The following SYT2 variants were observed in gnomAD, a reference collection of about 807,000 sequenced individuals.
SYT2 encodes synaptotagmin 2, also known as synaptotagmin-2.
In SYT2, 15 loss-of-function variants were observed where a neutral mutation model predicts 39.9. That is an observed-to-expected ratio of 0.38 (90% confidence interval 0.25 to 0.58). The LOEUF is 0.58. Among genes scored for constraint, SYT2 ranks in the 20% least tolerant of loss-of-function variants. The pLI, the probability that SYT2 is intolerant of heterozygous loss-of-function variation, is 0.70. For synonymous variants in SYT2, 181 were observed against 204.5 expected (o/e 0.89, Z 0.98); for missense variants, 389 against 530.3 (o/e 0.73, Z 2.62).
At position 202,601,808 on chromosome 1, in the gene SYT2, C is replaced by T; in HGVS notation, c.801+82G>A. 6.8e-7 allele frequency: 1 copy of T among 1,476,706 alleles called. No homozygotes were observed. The highest frequency in any genetic ancestry group is 9.3e-7 in the Non-Finnish European group (1 of 1,080,620). 91.5% of individuals were successfully genotyped at this position (1,476,706 alleles called of 1,614,324 possible). A position where few individuals can be genotyped will look rare whatever the true frequency, so the allele number is the denominator to read the frequency against. On this transcript the variant is annotated intron_variant, in intron 6 of 8. Coordinates refer to ENST00000367268, the MANE Select transcript of SYT2 (RefSeq NM_177402.5). This position sits in a 1 kb window ranked among gnomAD's most constrained non-coding sequence, Gnocchi z 4.0. ...ACAGGTCGTCTGCCTCCAAAGCCCA[C>T]CCTGTTTCCATCATGCCAAGAGGTG...
intron 1 of SYT2, among the ~76,000 whole-genome samples, chr1:202,658,519 C>T (rs1692319171): frequency 2.0e-5 from 3 of 152,082 alleles, no homozygotes; most frequent in African/African-American, 7.2e-5. Flanking sequence ...CCTCTGGCCC[C>T]CAGGCTATGA....
At chr1:202,644,035 A>AG (rs1692017262) in intron 1 of SYT2, among the ~76,000 whole-genome samples, 1 of 152,144 alleles carries the variant, frequency 6.6e-6, no homozygotes, top group Admixed American at 6.5e-5. Flanking sequence ...GAGAGAAGGG[A>AG]GGGAGAAGAG....
intron 1 of SYT2, among the ~76,000 whole-genome samples, chr1:202,679,802 T>G (rs986912995): frequency 9.9e-5 from 15 of 152,186 alleles, no homozygotes; most frequent in African/African-American, 3.4e-4. Context: ...AGGCCCTTCA[T>G]GATCCAGCCT....
At chr1:202,622,130 T>G (rs1282006411) in intron 1 of SYT2, among the ~76,000 whole-genome samples, 2 of 152,188 alleles carry the variant, frequency 1.3e-5, no homozygotes, top group Non-Finnish European at 2.9e-5. Flanking sequence ...AGTAATGAGA[T>G]GGAAATAGGT....
At chr1:202,646,845 CT>C (rs1349082978) in intron 1 of SYT2, among the ~76,000 whole-genome samples, 3 of 152,102 alleles carry the variant, frequency 2.0e-5, no homozygotes, top group African/African-American at 7.2e-5. Flanking sequence ...ACCCCCAACT[CT>C]CTCTCCTCCG....
At chr1:202,622,347 A>G (rs1691223963) in intron 1 of SYT2, among the ~76,000 whole-genome samples, 2 of 152,202 alleles carry the variant, frequency 1.3e-5, no homozygotes, top group South Asian at 2.1e-4. Flanking sequence ...CCGAGGCCTG[A>G]TGAGCCTTCT....
At chr1:202,654,000 G>A (rs1692235909) in intron 1 of SYT2, among the ~76,000 whole-genome samples, 1 of 152,180 alleles carries the variant, frequency 6.6e-6, no homozygotes, top group Non-Finnish European at 1.5e-5. Flanking sequence ...GGCCAGTGGG[G>A]CTTCAAGGGC....
At chr1:202,609,159 A>T (rs1486226626) in intron 1 of SYT2, among the ~76,000 whole-genome samples, 1 of 151,466 alleles carries the variant, frequency 6.6e-6, no homozygotes, top group African/African-American at 2.4e-5. Context: ...TAGTTTGCTG[A>T]GAATGATGGT....
chr1:202,608,990 T>C (rs1225507284), intron 1 of SYT2, among the ~76,000 whole-genome samples: 2 of 151,304 alleles, frequency 1.3e-5, no homozygotes, highest in East Asian at 3.9e-4. Context: ...ACTCGTCATT[T>C]AACATTAGGT....
intron 1 of SYT2, among the ~76,000 whole-genome samples, chr1:202,609,112 G>C (rs997612455): frequency 1.4e-5 from 2 of 142,508 alleles, no homozygotes; most frequent in African/African-American, 2.6e-5. Flanking sequence ...CCACCTATGA[G>C]TGAGAACATG....
At chr1:202,669,385 C>T (rs1692540152) in intron 1 of SYT2, among the ~76,000 whole-genome samples, 1 of 151,870 alleles carries the variant, frequency 6.6e-6, no homozygotes, top group Non-Finnish European at 1.5e-5. Context: ...GACGCGGTGG[C>T]TCACACCTGT....
intron 1 of SYT2, among the ~76,000 whole-genome samples, chr1:202,635,335 G>A (rs538316806): frequency 6.6e-5 from 10 of 152,206 alleles, no homozygotes; most frequent in South Asian, 4.2e-4. Flanking sequence ...AGTTCTCCCC[G>A]CTCTCTAATC....
chr1:202,640,790 G>GAGAC (rs796898888), intron 1 of SYT2, among the ~76,000 whole-genome samples: 2,548 of 119,666 alleles, frequency 0.021, 115 homozygotes, highest in Non-Finnish European at 0.031. Flanking sequence ...GAGAGAGAGA[G>GAGAC]AGACAGACAG....
At chr1:202,686,545 T>C (rs1433676254) in intron 1 of SYT2, among the ~76,000 whole-genome samples, 1 of 152,058 alleles carries the variant, frequency 6.6e-6, no homozygotes, top group African/African-American at 2.4e-5. Context: ...GGCATGATAA[T>C]GGGGGGTGGG....
intron 1 of SYT2, chr1:202,636,342 G>A (rs1015226533): frequency 1.0e-6 from 1 of 985,120 alleles, no homozygotes; most frequent in African/African-American, 1.7e-5. Context: ...AGCCCAACAT[G>A]CCAGGACCTC....
chr1:202,612,217 G>T (rs1464389021), intron 1 of SYT2, among the ~76,000 whole-genome samples: 1 of 151,972 alleles, frequency 6.6e-6, no homozygotes, highest in South Asian at 2.1e-4. Flanking sequence ...AAATATGAGG[G>T]TTTATTTCTG....
chr1:202,694,319 T>C (rs1166031813), intron 1 of SYT2, among the ~76,000 whole-genome samples: 2 of 152,246 alleles, frequency 1.3e-5, no homozygotes, highest in Admixed American at 6.5e-5. Flanking sequence ...ATCTAGAAGC[T>C]GCATTCTTCA....
intron 1 of SYT2, among the ~76,000 whole-genome samples, chr1:202,621,307 T>C (rs1691197464): frequency 1.3e-5 from 2 of 152,274 alleles, no homozygotes; most frequent in South Asian, 4.1e-4. Context: ...ATTTATTTTA[T>C]TTTTTACAGA....
intron 1 of SYT2, among the ~76,000 whole-genome samples, chr1:202,618,623 C>G (rs1691116824): frequency 6.6e-6 from 1 of 152,170 alleles, no homozygotes; most frequent in African/African-American, 2.4e-5. Flanking sequence ...TTGAATGCAG[C>G]TTTTATTCCT....
Sources: gnomAD v4.1 joint callset for allele counts (sites outside exome capture counted in the v4.1 genomes callset) on GRCh38, gnomAD v4.1.1 for gene constraint, Gnocchi (gnomAD v3.1) non-coding constraint, MANE v1.5 for transcripts, NCBI Gene and HGNC (gene_info 2026-07-23, HGNC 2026-07-21) for gene names.